The following SP1 variants were observed in gnomAD, a reference collection of about 807,000 sequenced individuals.
SP1 encodes the protein transcription factor Sp1.
In SP1, 6 loss-of-function variants were observed where a neutral mutation model predicts 66.3. That is an observed-to-expected ratio of 0.09 (90% confidence interval 0.05 to 0.18). The LOEUF is 0.18. Ranked by LOEUF, SP1 falls within the 10% of genes least tolerant of loss-of-function variation. The pLI is 1.00. For missense variants in SP1, 848 were observed against 964.5 expected (o/e 0.88, Z 1.60); for synonymous variants, 417 against 360.8 (o/e 1.16, Z -1.77).
Position 53,414,566 on chromosome 12 carries a change from C to A in SP1, c.*3326C>A, listed in dbSNP as rs1467412312. ...GTAAATTACTATGGCTGATTTATTT[C>A]TACTATATACATATATATTTTTTGC... On this transcript the variant is annotated 3_prime_UTR_variant, in exon 6 of 6. Coordinates refer to ENST00000327443, the MANE Select transcript of SP1 (RefSeq NM_138473.3). The A allele has an allele frequency of 6.6e-6, 1 of 152,490 alleles. No homozygotes were observed. Among genetic ancestry groups the A allele is most frequent in the Non-Finnish European group, 1.5e-5 (1 of 68,016 alleles). 9.4% of individuals were successfully genotyped at this position (152,490 alleles called of 1,614,324 possible). A position where few individuals can be genotyped will look rare whatever the true frequency, so the allele number is the denominator to read the frequency against.
intron 4 of SP1, among the ~76,000 whole-genome samples, chr12:53,407,243 A>G (rs1210847887): frequency 6.6e-6 from 1 of 151,968 alleles, no homozygotes; most frequent in Non-Finnish European, 1.5e-5. Context: ...AGCCTCAGCA[A>G]GAAAGCGAGA....
intron 4 of SP1, among the ~76,000 whole-genome samples, chr12:53,408,535 A>G (rs983188074): frequency 6.6e-6 from 1 of 151,606 alleles, no homozygotes; most frequent in Non-Finnish European, 1.5e-5. Context: ...CAGGTGATCA[A>G]TCCACCTGCC....
intron 3 of SP1, among the ~76,000 whole-genome samples, chr12:53,400,114 G>T (rs1051960647): frequency 6.6e-6 from 1 of 152,136 alleles, no homozygotes; most frequent in Non-Finnish European, 1.5e-5. Context: ...TACAACCCAA[G>T]AACATTTTGA....
intron 4 of SP1, 65 bp from the exon 5 acceptor site, chr12:53,409,297 T>C (rs981947150): frequency 1.9e-5 from 26 of 1,347,864 alleles, no homozygotes; most frequent in Non-Finnish European, 2.5e-5. Flanking sequence ...TGATTGCTGT[T>C]GATACTTTGT....
chr12:53,393,220 G>A (rs928247873), intron 3 of SP1, among the ~76,000 whole-genome samples: 1 of 152,214 alleles, frequency 6.6e-6, no homozygotes, highest in Non-Finnish European at 1.5e-5. Flanking sequence ...AGGTCGAGGC[G>A]AGAGGACTGG....
Position 53,382,542 on chromosome 12 carries a change from G to A in SP1, c.595G>A (p.Asp199Asn). 1 of 1,614,142 alleles carries A rather than the reference G, an allele frequency of 6.2e-7. No individual in the cohort carries two copies. The highest frequency in any genetic ancestry group is 8.5e-7 in the Non-Finnish European group (1 of 1,180,010). Residue 199 changes from aspartate (D) to asparagine (N), a missense_variant, in exon 3 of 6, where the codon GAT becomes AAT. This residue lies in a region of SP1 where 606 missense variants were observed against 589.9 expected (regional missense o/e 1.03). Transcript: ENST00000327443. ...TGCCACTGGGGCCCAAGTGCAGCAG[G>A]ATGGTTCTGGTCAAATACAGATCAT... ...FAATGAQVQQ[D>N]GSGQIQIIPG...
rs1656983756 is a variant in SP1 at position 53,380,313 on chromosome 12, A to C, written c.7+15A>C. 1 of 1,458,112 alleles carries C rather than the reference A, an allele frequency of 6.9e-7. No homozygotes were observed. The allele number at this position is 1,458,112 out of a possible 1,614,324, so 90.3% of individuals were successfully genotyped here. On this transcript the variant is annotated intron_variant, in intron 1 of 5. Coordinates refer to ENST00000327443, the MANE Select transcript of SP1 (RefSeq NM_138473.3). ...CACCATGAGCGGTAAGGATGAGTCC[A>C]CTCCAAGCTTAGGGGTGGGAGGCGA...
In SP1 at chr12:53,392,594, T is replaced by TGATCCGC. The variant is rs557009090; in HGVS notation, c.1675+8973_1675+8979dup. Reference sequence around the variant, plus strand: ...GGATGGTCTCGATCTCCTGACCTCGTGATCCGCCCGCCTCGGCCTCCCAAA... The same window carrying TGATCCGC: ...GGATGGTCTCGATCTCCTGACCTCGTGATCCGCGATCCGCCCGCCTCGGCCTCCCAAA... On this transcript the variant is annotated intron_variant, in intron 3 of 5. Transcript: ENST00000327443. 2.5e-3 allele frequency among the ~76,000 whole-genome samples: 375 copies of TGATCCGC among 151,570 alleles called. 2 individuals are homozygous for TGATCCGC. Among genetic ancestry groups the TGATCCGC allele is most frequent in the South Asian group, 8.1e-3 (39 of 4,786 alleles).
intron 5 of SP1, 103 bp downstream of exon 5, chr12:53,409,664 A>G: frequency 1.0e-6 from 1 of 960,346 alleles, no homozygotes. Flanking sequence ...TTAATTTGAA[A>G]CTGAATATAT....
intron 3 of SP1, among the ~76,000 whole-genome samples, chr12:53,403,085 TG>T (rs1938646445): frequency 6.6e-6 from 1 of 150,932 alleles, no homozygotes; most frequent in African/African-American, 2.4e-5. Flanking sequence ...GAGGCGGAGG[TG>T]GCAGTGGACC....
intron 3 of SP1, among the ~76,000 whole-genome samples, chr12:53,388,941 C>T (rs1000861459): frequency 2.0e-5 from 3 of 150,690 alleles, no homozygotes; most frequent in Non-Finnish European, 2.9e-5. Flanking sequence ...GATCACGCCA[C>T]AGCACTCCAG....
At chr12:53,401,407 C>T (rs558833203) in intron 3 of SP1, among the ~76,000 whole-genome samples, 22 of 146,812 alleles carry the variant, frequency 1.5e-4, no homozygotes, top group Admixed American at 1.4e-3. Flanking sequence ...GCCAAGATCG[C>T]GCCATTGCAC....
chr12:53,382,799 C>G lies in SP1; in HGVS notation c.852C>G (p.Val284=), dbSNP rs773814669. 3 of 1,614,194 alleles carry G rather than the reference C, an allele frequency of 1.9e-6. No homozygotes were observed. The highest frequency in any genetic ancestry group is 2.5e-6 in the Non-Finnish European group (3 of 1,180,024). Residue 284 remains valine, a synonymous_variant, in exon 3 of 6, where the codon GTC becomes GTG. Transcript: ENST00000327443. ...AATLTPSSQA[V]TISSSGSQES... ...CCTTGACTCCCAGCTCTCAGGCAGTCACGATCAGCAGCTCTGGGTCCCAGG... is the reference window on the plus strand; with the variant it reads ...CCTTGACTCCCAGCTCTCAGGCAGTGACGATCAGCAGCTCTGGGTCCCAGG...
At chr12:53,394,044 C>T (rs897126642) in intron 3 of SP1, among the ~76,000 whole-genome samples, 6 of 151,836 alleles carry the variant, frequency 4.0e-5, no homozygotes, top group African/African-American at 1.2e-4. Context: ...GAGAAACCCC[C>T]GTCTGTACTA....
chr12:53,392,823 G>T (rs1015231764), intron 3 of SP1, among the ~76,000 whole-genome samples: 2 of 147,126 alleles, frequency 1.4e-5, no homozygotes, highest in Non-Finnish European at 3.0e-5. Context: ...TTTGTTTTTT[G>T]TTGTTGTTGC....
chr12:53,408,232 T>A (rs1938793524), intron 4 of SP1, among the ~76,000 whole-genome samples: 1 of 122,798 alleles, frequency 8.1e-6, no homozygotes, highest in Non-Finnish European at 1.7e-5. Context: ...GGCGACAGAG[T>A]GAGACTCTGT....
chr12:53,403,020 T>C (rs1938644603), intron 3 of SP1, among the ~76,000 whole-genome samples: 1 of 150,682 alleles, frequency 6.6e-6, no homozygotes, highest in Admixed American at 6.6e-5. Context: ...CGGGAGCCTC[T>C]ACCTGCAATC....
In SP1 at chr12:53,383,166, C is replaced by A. The variant is rs1450104100; in HGVS notation, c.1219C>A (p.Gln407Lys). The change falls in exon 3 of 6, where the codon CAA becomes AAA. Residue 407 changes from glutamine to lysine, a missense_variant. By Grantham distance (53) the Gln-to-Lys change is moderately conservative (BLOSUM62 1). Transcript: ENST00000327443. ...AATTCTTATCCAGCCTCAGCTAGTT[C>A]AAGGGGGACAGGCCCTCCAGGCCCT... ...QQILIQPQLV[Q>K]GGQALQALQA... 2 of 1,614,094 alleles carry A rather than the reference C, an allele frequency of 1.2e-6. No homozygotes were observed. The highest frequency in any genetic ancestry group is 2.7e-5 in the African/African-American group (2 of 74,930).
intron 4 of SP1, 85 bp from the exon 5 acceptor site, chr12:53,409,277 G>A: frequency 8.9e-7 from 1 of 1,127,724 alleles, no homozygotes; most frequent in South Asian, 1.4e-5. Context: ...TTAGTTTGGT[G>A]TCGATTGGGT....
Sources: allele counts gnomAD v4.1 joint callset (sites outside exome capture counted in the v4.1 genomes callset), GRCh38; gene constraint gnomAD v4.1.1; regional missense constraint gnomAD v4.1.1; transcripts MANE v1.5; gene names NCBI Gene and HGNC (gene_info 2026-07-23, HGNC 2026-07-21).